Variants in BPIFB1 observed in about 807,000 individuals in gnomAD.
BPIFB1 encodes BPI fold containing family B member 1, also known as BPI fold-containing family B member 1.
A neutral mutation model predicts 55.1 loss-of-function variants in BPIFB1; 34 were observed. The observed-to-expected ratio is 0.62, with a 90% CI of 0.47 to 0.82. The LOEUF (loss-of-function observed/expected upper bound fraction) is 0.82, where lower values mean the gene tolerates loss of function less well. Ranked by LOEUF, BPIFB1 falls within the 40% of genes least tolerant of loss-of-function variation. The pLI is 0.00. For synonymous variants in BPIFB1, 236 were observed against 245.3 expected (o/e 0.96, Z 0.35); for missense variants, 532 against 593.1 (o/e 0.90, Z 1.07).
chr20:33,285,461 C>G (rs1980233674), intron 1 of BPIFB1, among the ~76,000 whole-genome samples: 1 of 151,380 alleles, frequency 6.6e-6, no homozygotes, highest in Non-Finnish European at 1.5e-5. Context: ...CGCCTGTAAT[C>G]CCAGCACTTT....
chr20:33,308,657 CACAT>C (rs1485966983), intron 15 of BPIFB1, among the ~76,000 whole-genome samples: 1 of 146,514 alleles, frequency 6.8e-6, no homozygotes, highest in African/African-American at 2.6e-5. Context: ...CATACACACG[CACAT>C]ACAAACACAT....
At chr20:33,296,606 G>A (rs778439390) in intron 6 of BPIFB1, among the ~76,000 whole-genome samples, 6 of 152,176 alleles carry the variant, frequency 3.9e-5, no homozygotes, top group Non-Finnish European at 5.9e-5. Flanking sequence ...CCTATGCACA[G>A]TAGGATGTTT....
chr20:33,286,945 C>G (rs953834709), intron 2 of BPIFB1, among the ~76,000 whole-genome samples: 1 of 152,226 alleles, frequency 6.6e-6, no homozygotes, highest in South Asian at 2.1e-4. Flanking sequence ...CCTGTCAGCT[C>G]TGGAGGCCAC....
At position 33,289,914 on chromosome 20, in the gene BPIFB1, A is replaced by T; in HGVS notation, c.287A>T (p.Gln96Leu). The T allele has an allele frequency of 1.9e-6, 3 of 1,614,222 alleles. No homozygotes were observed. The highest frequency in any genetic ancestry group is 2.5e-6 in the Non-Finnish European group (3 of 1,180,034). ...AAGGTCATCACAGCTAACATCCTCC[A>T]GCTGCAGGTGAAGCCCTCGGCCAAT... ...WLKVITANILQLQVKPSANDQ... is the reference protein window; with the variant it reads ...WLKVITANILLLQVKPSANDQ... The change falls in exon 4 of 16, where the codon CAG becomes CTG. Residue 96 changes from glutamine (Q) to leucine (L), a missense_variant. Transcript: ENST00000253354.
intron 13 of BPIFB1, among the ~76,000 whole-genome samples, chr20:33,305,616 G>A (rs1464158703): frequency 2.0e-5 from 3 of 152,032 alleles, no homozygotes; most frequent in South Asian, 2.1e-4. Context: ...CATGCCCGGT[G>A]ACTAATATTT....
At chr20:33,302,588 A>T (rs1402526000) in intron 10 of BPIFB1, 176 bp downstream of exon 10, 1 of 704,964 alleles carries the variant, frequency 1.4e-6, no homozygotes, top group East Asian at 2.7e-5. Context: ...GAAGCAAATC[A>T]TCACATGGAT....
intron 11 of BPIFB1, among the ~76,000 whole-genome samples, chr20:33,303,416 C>A (rs529547562): frequency 6.6e-6 from 1 of 152,214 alleles, no homozygotes; most frequent in Non-Finnish European, 1.5e-5. Context: ...CACCTAGCAG[C>A]CTTGTTTTCC....
In BPIFB1 at chr20:33,309,448, G is replaced by A. The variant is rs186144456; in HGVS notation, c.1396-260G>A. 5.9e-5 allele frequency among the ~76,000 whole-genome samples: 9 copies of A among 152,286 alleles called. No homozygotes were observed. The highest frequency in any genetic ancestry group is 1.9e-4 in the African/African-American group (8 of 41,568). Reference sequence around the variant, plus strand: ...CCCACTTCTGCCACCTACTGAGTGCGTGACTTTGGAAAGGGGCTTTTGCCA... The same window carrying A: ...CCCACTTCTGCCACCTACTGAGTGCATGACTTTGGAAAGGGGCTTTTGCCA... On this transcript the variant is annotated intron_variant, in intron 15 of 15. Coordinates refer to ENST00000253354, the MANE Select transcript of BPIFB1 (RefSeq NM_033197.3). The surrounding 1 kb of genome is among the most constrained non-coding windows in gnomAD (Gnocchi z 4.4).
Position 33,304,028 on chromosome 20 carries a change from A to G in BPIFB1, c.1208+3A>G, listed in dbSNP as rs1980938738. On this transcript the variant is annotated splice_donor_region_variant and intron_variant, in intron 12 of 15. Coordinates refer to ENST00000253354, the MANE Select transcript of BPIFB1 (RefSeq NM_033197.3). ...ATACTCAACTTGAATAACATCAGGT[A>G]AACACACAAATCATCATGAAGATTC... 1 of 1,611,104 alleles carries G rather than the reference A, an allele frequency of 6.2e-7. No individual in the cohort carries two copies. The highest frequency in any genetic ancestry group is 2.2e-5 in the East Asian group (1 of 44,860).
intron 6 of BPIFB1, among the ~76,000 whole-genome samples, chr20:33,295,944 A>G (rs1980639105): frequency 7.6e-6 from 1 of 131,484 alleles, no homozygotes; most frequent in African/African-American, 2.8e-5. Context: ...AGGACGGAAA[A>G]AGAGAGAGAG....
At chr20:33,288,683 A>C (rs981406132) in intron 2 of BPIFB1, 58 bp from the exon 3 acceptor site, 151 of 1,587,588 alleles carry the variant, frequency 9.5e-5, no homozygotes, top group Non-Finnish European at 1.2e-4. Context: ...TGGAGCTCCC[A>C]CCAAGCCTTC....
chr20:33,298,991 T>TTGG, intron 7 of BPIFB1: 3 of 299,544 alleles, frequency 1.0e-5, no homozygotes, highest in Middle Eastern at 4.7e-4. Context: ...TTTTTTTTTT[T>TTGG]GGAGACGGAC....
At chr20:33,286,291 G>T (rs1229663114) in intron 2 of BPIFB1, 103 bp downstream of exon 2, 6 of 1,005,790 alleles carry the variant, frequency 6.0e-6, no homozygotes, top group Non-Finnish European at 9.1e-6. Flanking sequence ...GATGTGCATG[G>T]CTGAGATCCC....
chr20:33,306,009 TTC>T lies in BPIFB1; in HGVS notation c.1264_1265del (p.Leu422GlufsTer6). 6.2e-7 allele frequency: 1 copy of T among 1,614,150 alleles called. No homozygotes were observed. The highest frequency in any genetic ancestry group is 1.3e-5 in the African/African-American group (1 of 75,036). On this transcript the variant is annotated frameshift_variant, in exon 14 of 16. Transcript: ENST00000253354. LOFTEE classifies it high-confidence loss of function. ...CCCTTCTCTCTCTCACAGCCTGATG[TTC>T]TGAAAAACATCATCACTGAGATCAT...
intron 1 of BPIFB1, 133 bp from the exon 2 acceptor site, chr20:33,285,900 A>G (rs78841773): frequency 1.2e-5 from 7 of 593,598 alleles, no homozygotes; most frequent in Non-Finnish European, 2.1e-5. Context: ...TTGATTGCCT[A>G]AGGCTACACA....
At chr20:33,292,307 A>G (rs1343041843) in intron 6 of BPIFB1, among the ~76,000 whole-genome samples, 7 of 152,174 alleles carry the variant, frequency 4.6e-5, no homozygotes, top group Admixed American at 3.9e-4. Context: ...TCCCTGGTGG[A>G]AATACTCCCT....
chr20:33,304,102 C>G, intron 12 of BPIFB1, 77 bp downstream of exon 12: 1 of 1,363,416 alleles, frequency 7.3e-7, no homozygotes, highest in South Asian at 1.2e-5. Context: ...TCTTTAAACA[C>G]CGACTTTGTG....
At chr20:33,308,135 T>C (rs894651597) in intron 15 of BPIFB1, among the ~76,000 whole-genome samples, 1 of 151,886 alleles carries the variant, frequency 6.6e-6, no homozygotes, top group Non-Finnish European at 1.5e-5. Flanking sequence ...TGGGAGGTGC[T>C]ACACACTTTT....
chr20:33,305,349 G>A (rs1416787163), intron 13 of BPIFB1, among the ~76,000 whole-genome samples: 10 of 123,744 alleles, frequency 8.1e-5, no homozygotes, highest in Non-Finnish European at 1.1e-4. Flanking sequence ...ATGGAGTCTC[G>A]CTCTGTCGCC....
Sources: allele counts gnomAD v4.1 joint callset (sites outside exome capture counted in the v4.1 genomes callset), GRCh38; gene constraint gnomAD v4.1.1; non-coding constraint Gnocchi (gnomAD v3.1); transcripts MANE v1.5; gene names NCBI Gene and HGNC (gene_info 2026-07-23, HGNC 2026-07-21).